UTRN: variants seen among roughly 807,000 people sequenced by gnomAD.
The protein encoded by UTRN is dystrophin-related protein 1.
Under a neutral mutation model 463.9 loss-of-function variants are expected in UTRN, and 283 were observed. The ratio of observed to expected loss-of-function variants is 0.61; its 90% CI spans 0.55 to 0.67. The LOEUF (loss-of-function observed/expected upper bound fraction) is 0.67, where lower values mean the gene tolerates loss of function less well. Among genes scored for constraint, UTRN ranks in the 30% least tolerant of loss-of-function variants. UTRN has a pLI of 0.00. For missense variants in UTRN, 3,922 were observed against 4,084.3 expected (o/e 0.96, Z 1.08); for synonymous variants, 1,442 against 1,431.5 (o/e 1.01, Z -0.17).
rs2128605868 is a variant in UTRN, at chr6:144,539,333, A to G, written c.6409A>G (p.Lys2137Glu). 1 of 1,612,942 alleles carries G rather than the reference A, an allele frequency of 6.2e-7. No individual in the cohort carries two copies. The highest frequency in any genetic ancestry group is 8.5e-7 in the Non-Finnish European group (1 of 1,179,592). Residue 2137 changes from lysine (K) to glutamate (E), a missense_variant, in exon 45 of 75, where the codon AAA (lysine) becomes GAA (glutamate). This residue lies in a region of UTRN where 2,349 missense variants were observed against 2,303.8 expected (regional missense o/e 1.02). Coordinates refer to ENST00000367545, the MANE Select transcript of UTRN (RefSeq NM_007124.3). ...AATGGAAGTACATGCTGAAAAACTC[A>G]AATGGCTGAATAGAACTGAATTGGA... ...QEMEVHAEKL[K>E]WLNRTELEML...
intron 51 of UTRN, among the ~76,000 whole-genome samples, chr6:144,643,886 G>GT (rs1490149170): frequency 6.6e-6 from 1 of 151,946 alleles, no homozygotes; most frequent in Non-Finnish European, 1.5e-5. Flanking sequence ...ACATGCACAC[G>GT]TTTTTTAAAA....
intron 28 of UTRN, among the ~76,000 whole-genome samples, chr6:144,487,239 C>T (rs1188685642): frequency 6.6e-6 from 1 of 152,072 alleles, no homozygotes; most frequent in Non-Finnish European, 1.5e-5. Context: ...TATGACAGCT[C>T]ACTGCAGCCT....
chr6:144,653,510 C>T (rs951372130), intron 51 of UTRN, among the ~76,000 whole-genome samples: 2 of 151,540 alleles, frequency 1.3e-5, no homozygotes, highest in Non-Finnish European at 2.9e-5. Flanking sequence ...GGTGTGAACC[C>T]GGGAGGCAGA....
In UTRN at chr6:144,769,312, T is replaced by C. The variant is rs141294553; in HGVS notation, c.8496-2595T>C. On this transcript the variant is annotated intron_variant, in intron 58 of 74. Transcript: ENST00000367545. ...AAAAAAAAACAGCAGCCAACTGCATTGCCTGTTTTTTTTATTTCTGTTGTT... is the reference window on the plus strand; with the variant it reads ...AAAAAAAAACAGCAGCCAACTGCATCGCCTGTTTTTTTTATTTCTGTTGTT... 2.5e-3 allele frequency among the ~76,000 whole-genome samples: 379 copies of C among 152,284 alleles called. 4 individuals are homozygous for C. Among genetic ancestry groups the C allele is most frequent in the African/African-American group, 8.6e-3 (356 of 41,578 alleles).
At chr6:144,548,205 A>G (rs1798577668) in intron 46 of UTRN, among the ~76,000 whole-genome samples, 1 of 152,224 alleles carries the variant, frequency 6.6e-6, no homozygotes, top group South Asian at 2.1e-4. Context: ...AGGGTTAAAT[A>G]AAAGTGAATA....
chr6:144,549,977 C>G (rs562394750), intron 47 of UTRN, among the ~76,000 whole-genome samples: 1 of 152,272 alleles, frequency 6.6e-6, no homozygotes, highest in Non-Finnish European at 1.5e-5. Flanking sequence ...CTCATGATAA[C>G]CGTGCTCTGC....
chr6:144,557,701 T>C (rs1034053803), intron 50 of UTRN, among the ~76,000 whole-genome samples: 1 of 152,076 alleles, frequency 6.6e-6, no homozygotes, highest in South Asian at 2.1e-4. Context: ...TAGCGTGCTA[T>C]TTGGGTGGGG....
chr6:144,456,151 A>G (rs1409760088), intron 19 of UTRN, among the ~76,000 whole-genome samples: 2 of 152,154 alleles, frequency 1.3e-5, no homozygotes, highest in Non-Finnish European at 2.9e-5. Context: ...GGGGAGCTGA[A>G]CTGGATAAAG....
At chr6:144,395,749 T>C (rs563424270) in intron 2 of UTRN, among the ~76,000 whole-genome samples, 2 of 152,310 alleles carry the variant, frequency 1.3e-5, no homozygotes, top group East Asian at 3.8e-4. Flanking sequence ...GTTAGCATGC[T>C]GTTAAACTTG....
rs1790988863 is a variant in UTRN, at chr6:144,748,375, T to C, written c.8069T>C (p.Leu2690Ser). 6.2e-7 allele frequency: 1 copy of C among 1,613,756 alleles called. No individual in the cohort carries two copies. Among genetic ancestry groups the C allele is most frequent in the South Asian group, 1.1e-5 (1 of 91,082 alleles). Residue 2690 changes from leucine (L) to serine (S), a missense_variant, in exon 55 of 75, where the codon TTG becomes TCG. Physicochemically the swap from Leu to Ser is moderately radical, Grantham distance 145. Transcript: ENST00000367545. The stretch of plus-strand genomic sequence containing the variant: ...TGGCAAAAGCAAGTGGACAAGGCAT[T>C]GGAGAAACTCAGAGACCTGCAGGGA... ...SNWQKQVDKA[L>S]EKLRDLQGAM...
chr6:144,488,233 GTT>G (rs1416347599), intron 29 of UTRN, among the ~76,000 whole-genome samples: 2 of 152,138 alleles, frequency 1.3e-5, no homozygotes, highest in East Asian at 3.9e-4. Flanking sequence ...GTAAATAGTA[GTT>G]TGATATGTAT....
intron 3 of UTRN, 30 bp from the exon 4 acceptor site, chr6:144,421,848 C>A: frequency 6.3e-7 from 1 of 1,580,704 alleles, no homozygotes; most frequent in Non-Finnish European, 8.6e-7. Context: ...TTGGCATACC[C>A]CATATTTTAT....
intron 19 of UTRN, among the ~76,000 whole-genome samples, chr6:144,457,836 T>C (rs59594076): frequency 0.07 from 10,724 of 152,250 alleles, 484 homozygotes; most frequent in African/African-American, 0.12. Context: ...TTTGATCATA[T>C]ATGTTTATAA....
intron 51 of UTRN, among the ~76,000 whole-genome samples, chr6:144,584,413 T>C (rs1359860191): frequency 6.6e-6 from 1 of 152,180 alleles, no homozygotes; most frequent in Non-Finnish European, 1.5e-5. Flanking sequence ...CAGTACTATA[T>C]TCCTCCTTCC....
At chr6:144,330,677 A>T (rs1196491772) in intron 2 of UTRN, 2 of 263,532 alleles carry the variant, frequency 7.6e-6, no homozygotes, top group Non-Finnish European at 1.2e-5. Flanking sequence ...GTGTTGTCAC[A>T]CGTCTTCAGA....
intron 51 of UTRN, among the ~76,000 whole-genome samples, chr6:144,627,362 C>T (rs920168058): frequency 2.0e-5 from 3 of 152,070 alleles, no homozygotes; most frequent in East Asian, 1.9e-4. Flanking sequence ...AGATAAGAGG[C>T]GTTTTTAATA....
intron 63 of UTRN, 22 bp downstream of exon 63, chr6:144,794,013 T>C: frequency 6.2e-7 from 1 of 1,610,334 alleles, no homozygotes; most frequent in East Asian, 2.2e-5. Context: ...GGATCACTGG[T>C]GTGTAGGATG....
At chr6:144,412,205 A>G (rs1783957173) in intron 3 of UTRN, among the ~76,000 whole-genome samples, 1 of 152,170 alleles carries the variant, frequency 6.6e-6, no homozygotes. Context: ...AACATCTATT[A>G]TTTGTTTTAT....
chr6:144,390,200 T>G (rs774116107), intron 2 of UTRN, among the ~76,000 whole-genome samples: 6 of 152,166 alleles, frequency 3.9e-5, no homozygotes, highest in Non-Finnish European at 8.8e-5. Flanking sequence ...GGAGACACGC[T>G]GTATAATAAT....
Sources: gnomAD v4.1 joint callset for allele counts (sites outside exome capture counted in the v4.1 genomes callset) on GRCh38, gnomAD v4.1.1 for gene constraint, gnomAD v4.1.1 regional missense constraint, MANE v1.5 for transcripts, NCBI Gene and HGNC (gene_info 2026-07-23, HGNC 2026-07-21) for gene names.